The following USH2A variants were observed in gnomAD, a reference collection of about 807,000 sequenced individuals.
USH2A encodes usherin.
Under a neutral mutation model 538.9 loss-of-function variants are expected in USH2A, and 443 were observed. That is an observed-to-expected ratio of 0.82 (90% confidence interval 0.76 to 0.89). The LOEUF (loss-of-function observed/expected upper bound fraction) is 0.89, where lower values mean the gene tolerates loss of function less well. USH2A is among the 40% of genes least tolerant of loss of function. The pLI, the probability that USH2A is intolerant of heterozygous loss-of-function variation, is 0.00. For missense variants in USH2A, 6,633 were observed against 6,324.8 expected, an observed-to-expected ratio of 1.05 and a Z score of -1.65; for synonymous variants, 2,413 against 2,273.5, an observed-to-expected ratio of 1.06 and a Z score of -1.75.
chr1:216,128,608 T>C (rs947610142), intron 21 of USH2A, among the ~76,000 whole-genome samples: 3 of 152,066 alleles, frequency 2.0e-5, no homozygotes, highest in African/African-American at 7.2e-5. Flanking sequence ...GTAAAATTTT[T>C]AATTTTCATG....
intron 3 of USH2A, among the ~76,000 whole-genome samples, chr1:216,389,381 T>C (rs1455551387): frequency 6.6e-6 from 1 of 152,204 alleles, no homozygotes; most frequent in African/African-American, 2.4e-5. Context: ...TCAGTCCTTC[T>C]ATGATGTTGT....
intron 4 of USH2A, among the ~76,000 whole-genome samples, chr1:216,352,878 A>G (rs1274605625): frequency 1.3e-5 from 2 of 152,252 alleles, no homozygotes; most frequent in Non-Finnish European, 2.9e-5. Flanking sequence ...ACTGAGGATC[A>G]GGATAATGAG....
chr1:216,297,013 G>A (rs1231600115), intron 9 of USH2A, among the ~76,000 whole-genome samples: 1 of 151,942 alleles, frequency 6.6e-6, no homozygotes, highest in South Asian at 2.1e-4. Flanking sequence ...TCAAATGAGA[G>A]TATACTCTGG....
intron 32 of USH2A, among the ~76,000 whole-genome samples, chr1:216,030,798 T>A (rs1558221138): frequency 6.6e-6 from 1 of 151,442 alleles, no homozygotes; most frequent in Admixed American, 6.6e-5. Context: ...AGAAGTGACC[T>A]GACCTTTCCT....
rs201726258 is a variant in USH2A at position 215,647,650 on chromosome 1, G to A, written c.14663C>T (p.Thr4888Met). 2.4e-5 allele frequency: 39 copies of A among 1,614,162 alleles called. No homozygotes were observed. The highest frequency in any genetic ancestry group is 1.6e-4 in the East Asian group (7 of 44,884). ...CTPSQIETKY[T>M]GLGQKASLGG... Reference sequence around the variant, plus strand: ...AAGGCTGGCTTTCTGCCCCAGCCCCGTGTACTTTGTTTCTATTTGGCTGGG... The same window carrying A: ...AAGGCTGGCTTTCTGCCCCAGCCCCATGTACTTTGTTTCTATTTGGCTGGG... Residue 4888 changes from threonine (T) to methionine (M), a missense_variant, in exon 67 of 72, where the codon ACG becomes ATG. Transcript: ENST00000307340.
At chr1:215,699,841 A>T (rs894213359) in intron 61 of USH2A, among the ~76,000 whole-genome samples, 8 of 152,182 alleles carry the variant, frequency 5.3e-5, no homozygotes, top group African/African-American at 1.7e-4. Context: ...TTTCAATGCC[A>T]TGTTGAATAG....
At chr1:215,887,540 G>A (rs1055874373) in intron 41 of USH2A, among the ~76,000 whole-genome samples, 1 of 152,140 alleles carries the variant, frequency 6.6e-6, no homozygotes, top group African/African-American at 2.4e-5. Context: ...TCAAAAATGT[G>A]TGTTGCTTTG....
In USH2A at chr1:215,624,653, TGACA is replaced by T. The variant is rs1463893276; in HGVS notation, c.*1124_*1127del. The T allele has an allele frequency of 6.6e-6, 1 of 152,154 alleles. No homozygotes were observed. Among genetic ancestry groups the T allele is most frequent in the Non-Finnish European group, 1.5e-5 (1 of 68,032 alleles). 9.4% of individuals were successfully genotyped at this position (152,154 alleles called of 1,614,324 possible). A position where few individuals can be genotyped will look rare whatever the true frequency, so the allele number is the denominator to read the frequency against. Reference sequence around the variant, plus strand: ...GACTTTGTAATCCAACTAGAGCAGGTGACAGACATTTTTGAACCGTAATTGGTAC... The same window carrying T: ...GACTTTGTAATCCAACTAGAGCAGGTGACATTTTTGAACCGTAATTGGTAC... On this transcript the variant is annotated 3_prime_UTR_variant, in exon 72 of 72. Transcript: ENST00000307340.
At chr1:216,115,060 C>T (rs1241661544) in intron 21 of USH2A, among the ~76,000 whole-genome samples, 1 of 152,046 alleles carries the variant, frequency 6.6e-6, no homozygotes, top group Non-Finnish European at 1.5e-5. Flanking sequence ...CTTTCCATCC[C>T]TCTCCAAATT....
intron 47 of USH2A, among the ~76,000 whole-genome samples, chr1:215,829,675 A>C (rs1663258227): frequency 6.6e-6 from 1 of 152,258 alleles, no homozygotes; most frequent in South Asian, 2.1e-4. Flanking sequence ...TACCATACAC[A>C]CACAAGGCTA....
chr1:216,245,743 T>C (rs4630107), intron 13 of USH2A, among the ~76,000 whole-genome samples: 1 of 152,174 alleles, frequency 6.6e-6, no homozygotes, highest in Admixed American at 6.5e-5. Context: ...AGGAAAAGCA[T>C]GGCCCAATTA....
intron 11 of USH2A, among the ~76,000 whole-genome samples, chr1:216,273,843 T>C (rs2036620545): frequency 6.6e-6 from 1 of 150,882 alleles, no homozygotes; most frequent in South Asian, 2.1e-4. Flanking sequence ...CCAGCACACA[T>C]TCATAGTTTT....
intron 30 of USH2A, among the ~76,000 whole-genome samples, chr1:216,055,438 G>A (rs992140410): frequency 1.3e-5 from 2 of 152,182 alleles, no homozygotes; most frequent in African/African-American, 2.4e-5. Context: ...TGAGGATCCC[G>A]CTGCAGTGCT....
intron 30 of USH2A, 30 bp downstream of exon 30, chr1:216,070,071 G>A (rs1394702356): frequency 6.2e-7 from 1 of 1,611,464 alleles, no homozygotes; most frequent in Non-Finnish European, 8.5e-7. Flanking sequence ...GAAGTTAATA[G>A]GGTCTACTCT....
intron 32 of USH2A, among the ~76,000 whole-genome samples, chr1:216,037,114 G>C (rs1270501716): frequency 2.0e-5 from 3 of 152,018 alleles, no homozygotes; most frequent in African/African-American, 7.2e-5. Flanking sequence ...GAAGAAAAAT[G>C]GGTGCTCCTT....
At chr1:215,790,553 G>A (rs970271604) in intron 50 of USH2A, among the ~76,000 whole-genome samples, 44 of 152,310 alleles carry the variant, frequency 2.9e-4, no homozygotes, top group Non-Finnish European at 4.4e-4. Context: ...TCCATAAAAA[G>A]AGATAGGATT....
intron 6 of USH2A, 118 bp from the exon 7 acceptor site, chr1:216,324,470 T>C (rs1306639581): frequency 1.0e-6 from 1 of 985,172 alleles, no homozygotes; most frequent in African/African-American, 1.6e-5. Flanking sequence ...ATTATAGTTA[T>C]CAAATATGTA....
chr1:215,786,346 C>A (rs1464849165), intron 52 of USH2A, among the ~76,000 whole-genome samples: 1 of 152,156 alleles, frequency 6.6e-6, no homozygotes, highest in African/African-American at 2.4e-5. Flanking sequence ...TCAGTGGAAG[C>A]TGCATTGCAG....
chr1:216,138,940 G>GTA (rs1350544340), intron 21 of USH2A, among the ~76,000 whole-genome samples: 1 of 151,240 alleles, frequency 6.6e-6, no homozygotes, highest in African/African-American at 2.4e-5. Context: ...GTGTGTGTGT[G>GTA]TGTATATATA....
Sources: gnomAD v4.1 joint callset for allele counts (sites outside exome capture counted in the v4.1 genomes callset) on GRCh38, gnomAD v4.1.1 for gene constraint, MANE v1.5 for transcripts, NCBI Gene and HGNC (gene_info 2026-07-23, HGNC 2026-07-21) for gene names.